BAIAP2: variants seen among roughly 807,000 people sequenced by gnomAD.
BAIAP2 encodes the protein BAR/IMD domain-containing adapter protein 2.
BAIAP2 carries 18 observed loss-of-function variants against 63.0 expected under a neutral mutation model. The observed-to-expected ratio is 0.29, with a 90% CI of 0.20 to 0.42. The LOEUF is 0.42. Among genes scored for constraint, BAIAP2 ranks in the 10% least tolerant of loss-of-function variants. The probability of loss-of-function intolerance (pLI) is 1.00; values close to 1 mark genes in which losing one functional copy is unlikely to be tolerated. For missense variants in BAIAP2, 610 were observed against 734.3 expected (o/e 0.83, Z 1.96); for synonymous variants, 386 against 307.6 (o/e 1.25, Z -2.67).
At chr17:81,108,617 C>A in intron 13 of BAIAP2, 108 bp downstream of exon 13, 2 of 1,407,766 alleles carry the variant, frequency 1.4e-6, no homozygotes, top group South Asian at 1.2e-5. Flanking sequence ...CCTTTAGGGC[C>A]CAGCCTGGCC....
chr17:81,108,371 C>T (rs996894570), intron 12 of BAIAP2, 104 bp from the exon 13 acceptor site: 15 of 1,331,994 alleles, frequency 1.1e-5, no homozygotes, highest in East Asian at 2.3e-5. Context: ...ACGGTTTGAA[C>T]CTTGTCCAGG....
At position 81,099,981 on chromosome 17, in the gene BAIAP2, C is replaced by T. The variant is rs200495248; in HGVS notation, c.543C>T (p.Asp181=). 2.6e-5 allele frequency: 42 copies of T among 1,613,450 alleles called. No individual in the cohort carries two copies. Among genetic ancestry groups the T allele is most frequent in the South Asian group, 1.5e-4 (14 of 91,080 alleles). Residue 181 remains aspartate, a synonymous_variant, in exon 7 of 14, where the codon GAC becomes GAT. Coordinates refer to ENST00000428708, the MANE Select transcript of BAIAP2 (RefSeq NM_001144888.2). ...KQGELENYVS[D]GYKTALTEER... is the part of the protein sequence containing the mutation. ...GCGAGCTGGAGAATTACGTGTCCGA[C>T]GGCTACAAGACCGCACTGACAGAGG...
chr17:81,055,574 G>GTTGTTTTTTTTTGTTTTTTTT (rs2049367558), intron 2 of BAIAP2, among the ~76,000 whole-genome samples: 3 of 123,410 alleles, frequency 2.4e-5, no homozygotes, highest in Admixed American at 9.3e-5. Context: ...AGGGTGTTTT[G>GTTGTTTTTTTTTGTTTTTTTT]TTTTTTTTTG....
intron 1 of BAIAP2, among the ~76,000 whole-genome samples, chr17:81,042,722 T>G (rs2047256955): frequency 6.8e-6 from 1 of 147,334 alleles, no homozygotes; most frequent in African/African-American, 2.5e-5. Context: ...AGAATGGGGG[T>G]GGGGATGGTG....
chr17:81,068,702 A>C (rs1598615958), intron 3 of BAIAP2, among the ~76,000 whole-genome samples: 1 of 152,176 alleles, frequency 6.6e-6, no homozygotes. Context: ...ACTGCAGAGA[A>C]GGCCACCTCG....
At chr17:81,035,355 G>A (rs754652726) in intron 1 of BAIAP2, 47 bp downstream of exon 1, 1 of 1,188,964 alleles carries the variant, frequency 8.4e-7, no homozygotes, top group Non-Finnish European at 1.1e-6. Context: ...TGTGCGCCTG[G>A]GTCGCGCGCC....
At chr17:81,086,360 A>C in intron 5 of BAIAP2, 83 bp from the exon 6 acceptor site, 1 of 1,551,330 alleles carries the variant, frequency 6.4e-7, no homozygotes, top group Non-Finnish European at 8.8e-7. Flanking sequence ...CGTTGGGCTC[A>C]TGGGCCTCGG....
rs530227401 is a variant in BAIAP2, at chr17:81,042,263, C to T, written c.54+6955C>T. Reference sequence around the variant, plus strand: ...GCTTATACAGTCCTCCTGCCTCAGCCACCTGAGTAGCTAGGACCACAGGCG... The same window carrying T: ...GCTTATACAGTCCTCCTGCCTCAGCTACCTGAGTAGCTAGGACCACAGGCG... On this transcript the variant is annotated intron_variant, in intron 1 of 13. Coordinates refer to ENST00000428708, the MANE Select transcript of BAIAP2 (RefSeq NM_001144888.2). Among the ~76,000 whole-genome samples, 31 of 152,012 alleles carry T rather than the reference C, an allele frequency of 2.0e-4. No individual in the cohort carries two copies. In the Middle Eastern group the frequency reaches 0.01, roughly 50 times the overall value.
At chr17:81,038,342 G>A (rs144073360) in intron 1 of BAIAP2, among the ~76,000 whole-genome samples, 29 of 152,344 alleles carry the variant, frequency 1.9e-4, no homozygotes, top group Middle Eastern at 3.4e-3. Context: ...TCAAGGTCTC[G>A]TGTCCGCAGA....
intron 12 of BAIAP2, 82 bp from the exon 13 acceptor site, chr17:81,108,393 T>C: frequency 6.9e-7 from 1 of 1,453,526 alleles, no homozygotes; most frequent in Non-Finnish European, 9.6e-7. Context: ...AGGATCACCA[T>C]TTGTGGGTGT....
At chr17:81,098,184 C>T (rs2145742529) in intron 6 of BAIAP2, 2 of 1,446,870 alleles carry the variant, frequency 1.4e-6, no homozygotes, top group Admixed American at 2.3e-5. Context: ...CACCTACAGC[C>T]CTGTTGGTCA....
In BAIAP2 at chr17:81,088,167, G is replaced by A. The variant is rs766845724; in HGVS notation, c.489+1587G>A. ...GGCCTGGAGGGCCATAGCCGCCTCC[G>A]AGCAGGTCAGGACAGTGCAGGTGTG... On this transcript the variant is annotated intron_variant, in intron 6 of 13. Transcript: ENST00000428708. 1.3e-3 allele frequency among the ~76,000 whole-genome samples: 195 copies of A among 152,090 alleles called. 1 individual carries two copies. The highest frequency in any genetic ancestry group is 1.9e-3 in the Non-Finnish European group (128 of 68,030).
chr17:81,077,139 A>T (rs950913670), intron 3 of BAIAP2, among the ~76,000 whole-genome samples: 2 of 152,158 alleles, frequency 1.3e-5, no homozygotes, highest in African/African-American at 4.8e-5. Context: ...TCCCGGAGCT[A>T]GGGGGCAACT....
At chr17:81,081,344 G>T (rs1231885609) in intron 3 of BAIAP2, among the ~76,000 whole-genome samples, 1 of 152,190 alleles carries the variant, frequency 6.6e-6, no homozygotes, top group Non-Finnish European at 1.5e-5. Flanking sequence ...TCAGCACAGG[G>T]CAGTCTGCCC....
chr17:81,081,025 A>G (rs1172730264), intron 3 of BAIAP2, among the ~76,000 whole-genome samples: 3 of 152,206 alleles, frequency 2.0e-5, no homozygotes, highest in Non-Finnish European at 4.4e-5. Flanking sequence ...AGCACTGGCC[A>G]GGGCACAGGC....
intron 13 of BAIAP2, among the ~76,000 whole-genome samples, chr17:81,112,044 C>T (rs938225634): frequency 7.2e-5 from 11 of 152,230 alleles, no homozygotes; most frequent in Admixed American, 5.2e-4. Flanking sequence ...TAGAAAAATG[C>T]TCCTGAACTT....
chr17:81,108,193 G>T, intron 12 of BAIAP2: 1 of 522,230 alleles, frequency 1.9e-6, no homozygotes, highest in Non-Finnish European at 3.4e-6. Flanking sequence ...CAGGCGGCCA[G>T]TCTTGCATCT....
At chr17:81,095,093 T>C (rs1417657855) in intron 6 of BAIAP2, among the ~76,000 whole-genome samples, 1 of 152,202 alleles carries the variant, frequency 6.6e-6, no homozygotes, top group East Asian at 1.9e-4. Context: ...GTGGGAGCAT[T>C]CTGTGGGTCT....
intron 7 of BAIAP2, 146 bp from the exon 8 acceptor site, chr17:81,103,356 G>T: frequency 4.1e-6 from 3 of 739,936 alleles, no homozygotes; most frequent in East Asian, 5.5e-5. Flanking sequence ...AGAGGCTCAC[G>T]GGTGGCCTGT....
Sources: allele counts gnomAD v4.1 joint callset (sites outside exome capture counted in the v4.1 genomes callset), GRCh38; gene constraint gnomAD v4.1.1; transcripts MANE v1.5; gene names NCBI Gene and HGNC (gene_info 2026-07-23, HGNC 2026-07-21).